The following SRR variants were observed in gnomAD, a reference collection of about 807,000 sequenced individuals.
The protein encoded by SRR is D-serine ammonia-lyase.
In SRR, 19 loss-of-function variants were observed where a neutral mutation model predicts 32.7. The observed-to-expected ratio is 0.58, with a 90% CI of 0.40 to 0.85. The LOEUF (loss-of-function observed/expected upper bound fraction) is 0.85, where lower values mean the gene tolerates loss of function less well. SRR is among the 40% of genes least tolerant of loss of function. The pLI is 0.00. For synonymous variants in SRR, 142 were observed against 140.9 expected (o/e 1.01, Z -0.06); for missense variants, 373 against 404.7 (o/e 0.92, Z 0.67).
chr17:2,303,575 G>C (rs1020026760), upstream of SRR: 2 of 1,372,084 alleles, frequency 1.5e-6, no homozygotes, highest in Admixed American at 3.7e-5. Context: ...AGGCAGAGGA[G>C]GAGGAGAGGG....
chr17:2,324,534 C>G lies in SRR; in HGVS notation c.*661C>G, dbSNP rs2075562625. 2 of 1,614,126 alleles carry G rather than the reference C, an allele frequency of 1.2e-6. No individual in the cohort carries two copies. The highest frequency in any genetic ancestry group is 3.3e-5 in the Admixed American group (2 of 60,004). The stretch of plus-strand genomic sequence containing the variant: ...GGTTCCTTGATATGTCCTCTCCGGC[C>G]CCACTTCGTTCTCAGTTCCACTGGT... On this transcript the variant is annotated 3_prime_UTR_variant, in exon 8 of 8. Transcript: ENST00000344595.
intron 1 of SRR, among the ~76,000 whole-genome samples, chr17:2,313,492 T>G (rs2075448160): frequency 6.6e-6 from 1 of 150,888 alleles, no homozygotes; most frequent in East Asian, 1.9e-4. Context: ...TACCAGCACT[T>G]TGGGAGGCCG....
chr17:2,317,540 C>T (rs1286595752), intron 2 of SRR, among the ~76,000 whole-genome samples: 1 of 150,934 alleles, frequency 6.6e-6, no homozygotes, highest in African/African-American at 2.4e-5. Flanking sequence ...AAAATTTAGC[C>T]GGGCATGGTG....
chr17:2,324,034 T>C lies in SRR; in HGVS notation c.*161T>C, dbSNP rs745368110. 1.1e-4 allele frequency: 134 copies of C among 1,195,438 alleles called. No homozygotes were observed. The highest frequency in any genetic ancestry group is 1.6e-4 in the Non-Finnish European group (133 of 856,836). The allele number at this position is 1,195,438 out of a possible 1,614,324, so 74.1% of individuals were successfully genotyped here. A position where few individuals can be genotyped will look rare whatever the true frequency, so the allele number is the denominator to read the frequency against. ...GGACTAAGTAGTGGAAAAACTTTTATACTTAACTGAGACATTTTGTCAAGG... is the reference window on the plus strand; with the variant it reads ...GGACTAAGTAGTGGAAAAACTTTTACACTTAACTGAGACATTTTGTCAAGG... On this transcript the variant is annotated 3_prime_UTR_variant, in exon 8 of 8. Transcript: ENST00000344595.
Position 2,307,816 on chromosome 17 carries a change from C to T in SRR, c.-5+3799C>T, listed in dbSNP as rs2075403096. On this transcript the variant is annotated intron_variant, in intron 1 of 7. Coordinates refer to ENST00000344595, the MANE Select transcript of SRR (RefSeq NM_021947.3). ...TGAACTAAGCCAAGCACAGTGGTGG[C>T]AGGGCCTAGCTGCTACAAAGAAGAT... is the stretch of plus-strand genomic sequence containing the variant. The T allele has an allele frequency of 8.7e-6, 6 of 691,244 alleles. No homozygotes were observed. In the South Asian group the frequency reaches 8.7e-5, roughly 10 times the overall value. 42.8% of individuals were successfully genotyped at this position (691,244 alleles called of 1,614,324 possible).
rs1317945085 is a variant in SRR at position 2,315,707 on chromosome 17, C to G, written c.147C>G (p.Phe49Leu). 1 of 1,613,924 alleles carries G rather than the reference C, an allele frequency of 6.2e-7. No homozygotes were observed. Residue 49 changes from phenylalanine to leucine, a missense_variant, in exon 2 of 8, where the codon TTC (phenylalanine) becomes TTG (leucine). Phe to Leu is a conservative substitution (Grantham distance 22, BLOSUM62 0). Coordinates refer to ENST00000344595, the MANE Select transcript of SRR (RefSeq NM_021947.3). ...ATCTTTTCTTCAAATGTGAACTCTT[C>G]CAGAAAACAGGATCTTTTAAGGTAA... ...GRNLFFKCEL[F>L]QKTGSFKIRG...
chr17:2,311,184 C>A (rs1289694063), intron 1 of SRR, among the ~76,000 whole-genome samples: 2 of 152,040 alleles, frequency 1.3e-5, no homozygotes, highest in Admixed American at 1.3e-4. Context: ...CCACCACGCC[C>A]AGCCAACTAT....
intron 2 of SRR, among the ~76,000 whole-genome samples, chr17:2,316,879 ATTTTTTTT>A (rs536120942): frequency 8.1e-6 from 1 of 123,788 alleles, no homozygotes; most frequent in African/African-American, 3.1e-5. Flanking sequence ...CGCCCAGCTA[ATTTTTTTT>A]TTTTTTTTTT....
At chr17:2,308,242 AT>A (rs991357469) in intron 1 of SRR, among the ~76,000 whole-genome samples, 1 of 152,188 alleles carries the variant, frequency 6.6e-6, no homozygotes, top group African/African-American at 2.4e-5. Context: ...TAAAGTGAAA[AT>A]TAGTAAGCTA....
intron 6 of SRR, chr17:2,322,767 C>T (rs543048386): frequency 2.0e-4 from 48 of 236,274 alleles, no homozygotes; most frequent in African/African-American, 7.5e-4. Flanking sequence ...CCGCCCACCT[C>T]GGCCTCCCAA....
intron 1 of SRR, among the ~76,000 whole-genome samples, chr17:2,314,395 A>G (rs1398037791): frequency 6.6e-6 from 1 of 152,146 alleles, no homozygotes; most frequent in Admixed American, 6.6e-5. Flanking sequence ...TATCCTGGCT[A>G]ACACGGTGAA....
At chr17:2,319,735 G>C (rs2075508632) in intron 4 of SRR, among the ~76,000 whole-genome samples, 1 of 151,980 alleles carries the variant, frequency 6.6e-6, no homozygotes, top group Non-Finnish European at 1.5e-5. Flanking sequence ...TAGCCAAACT[G>C]GTCTCTCTGC....
intron 1 of SRR, among the ~76,000 whole-genome samples, chr17:2,314,972 G>A (rs1396690479): frequency 2.0e-5 from 3 of 151,926 alleles, no homozygotes; most frequent in African/African-American, 4.8e-5. Context: ...AGCTGGGCAC[G>A]GTGGCTTACA....
intron 5 of SRR, 46 bp downstream of exon 5, chr17:2,321,471 G>A (rs1322022957): frequency 3.1e-6 from 5 of 1,612,334 alleles, no homozygotes; most frequent in African/African-American, 2.7e-5. Flanking sequence ...TAAAGCTGTT[G>A]GGCTATATTC....
chr17:2,307,304 C>A, intron 1 of SRR: 1 of 1,100,696 alleles, frequency 9.1e-7, no homozygotes, highest in Non-Finnish European at 1.4e-6. Flanking sequence ...AAAGGCCTGT[C>A]AAAGCAAGAG....
intron 1 of SRR, among the ~76,000 whole-genome samples, chr17:2,314,760 CAAAA>C (rs950178086): frequency 7.3e-6 from 1 of 136,114 alleles, no homozygotes; most frequent in African/African-American, 2.7e-5. Context: ...TCTCAAAAAA[CAAAA>C]AAAAAGAAAA....
In SRR at chr17:2,325,212, C is replaced by T; in HGVS notation, c.*1339C>T. 3.3e-6 allele frequency: 3 copies of T among 905,710 alleles called. 1 individual carries two copies. In the South Asian group the frequency reaches 5.0e-5, roughly 15 times the overall value. The allele number at this position is 905,710 out of a possible 1,614,324, so 56.1% of individuals were successfully genotyped here. ...GAAAACCATCATTACCTTCTCCATA[C>T]CATTTGGCTCCCAAATTTAAATAAA... On this transcript the variant is annotated 3_prime_UTR_variant, in exon 8 of 8. Transcript: ENST00000344595.
chr17:2,323,474 C>G (rs2075551749), intron 7 of SRR, 129 bp downstream of exon 7: 2 of 1,191,854 alleles, frequency 1.7e-6, no homozygotes, highest in Non-Finnish European at 2.4e-6. Flanking sequence ...GGAGGGTACC[C>G]TAGATGTATT....
At chr17:2,323,541 G>GT (rs1291383172) in intron 7 of SRR, 114 bp from the exon 8 acceptor site, 1 of 1,235,926 alleles carries the variant, frequency 8.1e-7, no homozygotes, top group Admixed American at 2.0e-5. Context: ...TTTGGGAAGC[G>GT]TGTGTACACA....
Sources: allele counts gnomAD v4.1 joint callset (sites outside exome capture counted in the v4.1 genomes callset), GRCh38; gene constraint gnomAD v4.1.1; transcripts MANE v1.5; gene names NCBI Gene and HGNC (gene_info 2026-07-23, HGNC 2026-07-21).